SLC41A2: variants seen among roughly 807,000 people sequenced by gnomAD.
The protein encoded by SLC41A2 is solute carrier family 41 member 2.
A neutral mutation model predicts 58.3 loss-of-function variants in SLC41A2; 32 were observed. The ratio of observed to expected loss-of-function variants is 0.55; its 90% CI spans 0.41 to 0.74. The LOEUF (loss-of-function observed/expected upper bound fraction) is 0.74. Ranked by LOEUF, SLC41A2 falls within the 30% of genes least tolerant of loss-of-function variation. SLC41A2 has a pLI of 0.00. For synonymous variants in SLC41A2, 190 were observed against 235.0 expected, an observed-to-expected ratio of 0.81 and a Z score of 1.75; for missense variants, 514 against 680.6, an observed-to-expected ratio of 0.76 and a Z score of 2.72.
At chr12:104,918,047 T>C (rs1366786067) in intron 2 of SLC41A2, among the ~76,000 whole-genome samples, 4 of 149,822 alleles carry the variant, frequency 2.7e-5, no homozygotes, top group African/African-American at 4.9e-5. Context: ...TTTAAACATA[T>C]GACAAAATGA....
At chr12:104,900,819 T>C (rs564800403) in intron 3 of SLC41A2, among the ~76,000 whole-genome samples, 45 of 152,324 alleles carry the variant, frequency 3.0e-4, no homozygotes, top group African/African-American at 1.0e-3. Flanking sequence ...ATTATCTAGG[T>C]TTTAATTTGA....
At chr12:104,886,514 A>G in intron 5 of SLC41A2, 75 bp from the exon 6 acceptor site, 4 of 1,476,610 alleles carry the variant, frequency 2.7e-6, no homozygotes, top group Non-Finnish European at 3.7e-6. Flanking sequence ...CAAAATGTGT[A>G]GGATAGAAAA....
chr12:104,909,787 A>T, intron 2 of SLC41A2, 25 bp from the exon 3 acceptor site: 1 of 1,470,854 alleles, frequency 6.8e-7, no homozygotes. Flanking sequence ...ATAAAATAAA[A>T]TTTTCTGGCA....
chr12:104,855,937 G>A (rs544948206), intron 8 of SLC41A2, among the ~76,000 whole-genome samples: 1 of 152,298 alleles, frequency 6.6e-6, no homozygotes, highest in African/African-American at 2.4e-5. Context: ...CCAATTTAAA[G>A]TATGGATCTA....
intron 3 of SLC41A2, among the ~76,000 whole-genome samples, chr12:104,907,112 T>C (rs536014294): frequency 7.2e-5 from 11 of 152,314 alleles, no homozygotes; most frequent in Non-Finnish European, 1.3e-4. Flanking sequence ...CCATGGGTTA[T>C]ATATAATCTG....
intron 3 of SLC41A2, among the ~76,000 whole-genome samples, chr12:104,900,187 C>T (rs557832837): frequency 4.6e-5 from 7 of 152,166 alleles, no homozygotes; most frequent in Non-Finnish European, 8.8e-5. Flanking sequence ...GTAGTATGGT[C>T]TTTTAAAGGT....
chr12:104,885,309 T>A (rs569754864), intron 6 of SLC41A2, among the ~76,000 whole-genome samples: 1 of 152,328 alleles, frequency 6.6e-6, no homozygotes, highest in South Asian at 2.1e-4. Context: ...TTAAGGCAAT[T>A]TTATATGCTA....
At chr12:104,868,673 G>A (rs1027983272) in intron 6 of SLC41A2, among the ~76,000 whole-genome samples, 11 of 152,138 alleles carry the variant, frequency 7.2e-5, no homozygotes, top group Non-Finnish European at 1.3e-4. Flanking sequence ...GCAGCACTAT[G>A]CATAATGGCC....
intron 3 of SLC41A2, among the ~76,000 whole-genome samples, chr12:104,897,852 T>C (rs2045371894): frequency 6.6e-6 from 1 of 152,188 alleles, no homozygotes; most frequent in Admixed American, 6.5e-5. Flanking sequence ...TTGTAAAAAC[T>C]ACATCAACAG....
intron 1 of SLC41A2, among the ~76,000 whole-genome samples, chr12:104,945,696 C>T (rs908714561): frequency 2.6e-5 from 4 of 152,016 alleles, no homozygotes; most frequent in African/African-American, 9.7e-5. Flanking sequence ...ATAACATATC[C>T]AAAAAATTGT....
intron 10 of SLC41A2, among the ~76,000 whole-genome samples, chr12:104,830,898 T>C (rs1022106222): frequency 3.9e-5 from 6 of 152,338 alleles, no homozygotes; most frequent in Admixed American, 2.0e-4. Context: ...AAACCTTTTA[T>C]GCCTATCTTT....
intron 1 of SLC41A2, among the ~76,000 whole-genome samples, chr12:104,955,660 T>C (rs2048136005): frequency 6.6e-6 from 1 of 152,124 alleles, no homozygotes; most frequent in Non-Finnish European, 1.5e-5. Flanking sequence ...TTTTAACAAG[T>C]ATCATCGAAT....
intron 6 of SLC41A2, among the ~76,000 whole-genome samples, chr12:104,878,966 C>T (rs1334726855): frequency 1.3e-5 from 2 of 152,206 alleles, no homozygotes; most frequent in Non-Finnish European, 2.9e-5. Flanking sequence ...ACATCCTCTC[C>T]AGCACCTGTT....
At chr12:104,865,091 A>T (rs1248737025) in intron 7 of SLC41A2, among the ~76,000 whole-genome samples, 11 of 152,158 alleles carry the variant, frequency 7.2e-5, no homozygotes, top group Admixed American at 7.2e-4. Context: ...TAGCTCTTTC[A>T]TTAAAGGACT....
chr12:104,947,287 T>C (rs1170941032), intron 1 of SLC41A2, among the ~76,000 whole-genome samples: 1 of 133,496 alleles, frequency 7.5e-6, no homozygotes, highest in Non-Finnish European at 1.6e-5. Flanking sequence ...CACTGCAACC[T>C]CCACCTCCTG....
At chr12:104,814,895 C>T (rs1484156920) in intron 10 of SLC41A2, among the ~76,000 whole-genome samples, 2 of 152,180 alleles carry the variant, frequency 1.3e-5, no homozygotes, top group Non-Finnish European at 2.9e-5. Flanking sequence ...GTCTTTAAAA[C>T]GAATAAATTT....
chr12:104,875,842 C>T (rs1176101659), intron 6 of SLC41A2, among the ~76,000 whole-genome samples: 1 of 152,058 alleles, frequency 6.6e-6, no homozygotes, highest in Non-Finnish European at 1.5e-5. Flanking sequence ...AGTATTTCCT[C>T]TAGTTCTATG....
chr12:104,843,670 C>A (rs2042498882), intron 10 of SLC41A2, among the ~76,000 whole-genome samples: 2 of 151,978 alleles, frequency 1.3e-5, no homozygotes. Flanking sequence ...ATATTTATTA[C>A]TAAGCAAACA....
At chr12:104,861,422 G>T in intron 7 of SLC41A2, 52 bp from the exon 8 acceptor site, 1 of 1,304,232 alleles carries the variant, frequency 7.7e-7, no homozygotes, top group Non-Finnish European at 1.1e-6. Context: ...GAACATACTT[G>T]AAGTTATTCT....
Sources: allele counts gnomAD v4.1 joint callset (sites outside exome capture counted in the v4.1 genomes callset), GRCh38; gene constraint gnomAD v4.1.1; transcripts MANE v1.5; gene names NCBI Gene and HGNC (gene_info 2026-07-23, HGNC 2026-07-21).